The following AKAP8 variants were observed in gnomAD, a reference collection of about 807,000 sequenced individuals.
The protein encoded by AKAP8 is A-kinase anchor protein 8.
A neutral mutation model predicts 67.5 loss-of-function variants in AKAP8; 24 were observed. That is an observed-to-expected ratio of 0.36 (90% confidence interval 0.26 to 0.50). The LOEUF is 0.50. Among genes scored for constraint, AKAP8 ranks in the 20% least tolerant of loss-of-function variants. The pLI is 0.97. For synonymous variants in AKAP8, 400 were observed against 371.1 expected (o/e 1.08, Z -0.90); for missense variants, 971 against 955.9 (o/e 1.02, Z -0.21).
chr19:15,354,243 T>C lies in AKAP8; in HGVS notation c.*672A>G, dbSNP rs2048262497. ...GAGGTGGAACACAAATGAGGTAAAA[T>C]ATTAGAGAACTGATTCAGCAAGGAC... On this transcript the variant is annotated 3_prime_UTR_variant, in exon 14 of 14. Coordinates refer to ENST00000269701, the MANE Select transcript of AKAP8 (RefSeq NM_005858.4). 1 of 152,018 alleles carries C rather than the reference T, an allele frequency of 6.6e-6. No individual in the cohort carries two copies. The highest frequency in any genetic ancestry group is 2.4e-5 in the African/African-American group (1 of 41,390). The allele number at this position is 152,018 out of a possible 1,614,324, so 9.4% of individuals were successfully genotyped here. A position where few individuals can be genotyped will look rare whatever the true frequency, so the allele number is the denominator to read the frequency against.
Position 15,372,956 on chromosome 19 carries a change from C to T in AKAP8, c.756G>A (p.Met252Ile). ...RPPPSLFSQS[M>I]APDYGVMGMQ... ...TGCCCATCACGCCGTAGTCGGGAGC[C>T]ATGGACTGGGAGAAGAGGGACGGAG... The change falls in exon 5 of 14, where the codon ATG (methionine) becomes ATA (isoleucine). Residue 252 changes from methionine (M) to isoleucine (I), a missense_variant. Around this residue, in one of 3 missense-constraint regions of AKAP8, gnomAD observed 763 missense variants for 745.4 expected, o/e 1.02. Transcript: ENST00000269701. 6.4e-7 allele frequency: 1 copy of T among 1,554,894 alleles called. No homozygotes were observed. The highest frequency in any genetic ancestry group is 8.7e-7 in the Non-Finnish European group (1 of 1,150,776).
chr19:15,376,417 C>T (rs914848365), intron 2 of AKAP8, among the ~76,000 whole-genome samples: 2 of 151,776 alleles, frequency 1.3e-5, no homozygotes, highest in African/African-American at 2.4e-5. Context: ...CGGGAGGCTG[C>T]GGCTGCAGTA....
intron 9 of AKAP8, among the ~76,000 whole-genome samples, chr19:15,366,408 A>G (rs529285460): frequency 3.3e-5 from 5 of 152,242 alleles, no homozygotes; most frequent in Admixed American, 3.3e-4. Context: ...CAAGGGTTTC[A>G]ATGTTCCTGT....
At chr19:15,378,789 CTT>C (rs1967306756) in intron 1 of AKAP8, among the ~76,000 whole-genome samples, 1 of 152,214 alleles carries the variant, frequency 6.6e-6, no homozygotes, top group African/African-American at 2.4e-5. Context: ...TGTGGGCAAA[CTT>C]TGCTCCCAAA....
At chr19:15,370,001 A>G in intron 8 of AKAP8, 145 bp downstream of exon 8, 1 of 945,054 alleles carries the variant, frequency 1.1e-6, no homozygotes, top group South Asian at 1.4e-5. Flanking sequence ...CGCCACGGTC[A>G]AGGCCCATCT....
intron 5 of AKAP8, 93 bp from the exon 6 acceptor site, chr19:15,372,440 C>G (rs1967175302): frequency 6.6e-7 from 1 of 1,517,512 alleles, no homozygotes. Context: ...TCAGACAACA[C>G]AGGCACAAAA....
In AKAP8 at chr19:15,372,356, A is replaced by G. The variant is rs2145082281; in HGVS notation, c.862-9T>C. On this transcript the variant is annotated splice_polypyrimidine_tract_variant and intron_variant, in intron 5 of 13. Transcript: ENST00000269701. Reference sequence around the variant, plus strand: ...AACCCTCTCCTCTTGGGCTACAGACAACAAGCACACCCCATGAGCTACTTA... The same window carrying G: ...AACCCTCTCCTCTTGGGCTACAGACGACAAGCACACCCCATGAGCTACTTA... The G allele has an allele frequency of 6.2e-7, 1 of 1,614,090 alleles. No homozygotes were observed. Among genetic ancestry groups the G allele is most frequent in the Non-Finnish European group, 8.5e-7 (1 of 1,179,928 alleles).
intron 5 of AKAP8, among the ~76,000 whole-genome samples, chr19:15,372,614 G>T (rs1444981539): frequency 6.6e-6 from 1 of 151,984 alleles, no homozygotes; most frequent in African/African-American, 2.4e-5. Flanking sequence ...TCGGGGGCTG[G>T]TGGGGGCGGG....
chr19:15,362,770 C>A (rs566338093), intron 9 of AKAP8, among the ~76,000 whole-genome samples: 26 of 152,118 alleles, frequency 1.7e-4, no homozygotes, highest in African/African-American at 5.3e-4. Flanking sequence ...AGCCTCTGCC[C>A]GGCCGCCACC....
rs1967185624 is a variant in AKAP8, at chr19:15,372,941, G to T, written c.771C>A (p.Gly257=). ...CGCCCGCCCCCTGCATGCCCATCACGCCGTAGTCGGGAGCCATGGACTGGG... is the reference window on the plus strand; with the variant it reads ...CGCCCGCCCCCTGCATGCCCATCACTCCGTAGTCGGGAGCCATGGACTGGG... ...LFSQSMAPDY[G]VMGMQGAGGY... The change falls in exon 5 of 14, where the codon GGC becomes GGA. Residue 257 remains glycine (G), a synonymous_variant. Transcript: ENST00000269701. 6.5e-7 allele frequency: 1 copy of T among 1,539,622 alleles called. No homozygotes were observed. The highest frequency in any genetic ancestry group is 1.4e-5 in the African/African-American group (1 of 72,676).
chr19:15,354,657 C>T lies in AKAP8; in HGVS notation c.*258G>A. 1 of 505,296 alleles carries T rather than the reference C, an allele frequency of 2.0e-6. No individual in the cohort carries two copies. Among genetic ancestry groups the T allele is most frequent in the Non-Finnish European group, 3.5e-6 (1 of 284,474 alleles). 31.3% of individuals were successfully genotyped at this position (505,296 alleles called of 1,614,324 possible). A position where few individuals can be genotyped will look rare whatever the true frequency, so the allele number is the denominator to read the frequency against. ...TATAATCACCCAACCTTTATTATTC[C>T]AAGTGCACTACTGTCAAGAGACATG... On this transcript the variant is annotated 3_prime_UTR_variant, in exon 14 of 14. Transcript: ENST00000269701.
intron 3 of AKAP8, 89 bp from the exon 4 acceptor site, chr19:15,374,154 C>T (rs140273643): frequency 1.5e-4 from 220 of 1,443,476 alleles, no homozygotes; most frequent in African/African-American, 2.0e-4. Context: ...CCCGCTGCCA[C>T]GGAGAAGGAA....
rs565845734 is a variant in AKAP8 at position 15,369,499 on chromosome 19, G to A, written c.1072+647C>T. On this transcript the variant is annotated intron_variant, in intron 8 of 13. Transcript: ENST00000269701. This position sits in a 1 kb window ranked among gnomAD's most constrained non-coding sequence, Gnocchi z 4.6. ...GTGGCTTCAGGGTGAGCTCCAGGCCGCGGCACCTCAGGCCGCTCTGCCATG... is the reference window on the plus strand; with the variant it reads ...GTGGCTTCAGGGTGAGCTCCAGGCCACGGCACCTCAGGCCGCTCTGCCATG... Among the ~76,000 whole-genome samples, 12 of 152,352 alleles carry A rather than the reference G, an allele frequency of 7.9e-5. No individual in the cohort carries two copies. The East Asian group carries it at 1.2e-3, about 15-fold the overall frequency.
intron 13 of AKAP8, among the ~76,000 whole-genome samples, chr19:15,356,391 CGACA>C (rs1264352750): frequency 1.3e-4 from 20 of 150,414 alleles, no homozygotes; most frequent in Non-Finnish European, 1.5e-4. Context: ...GCAGCCTGGG[CGACA>C]GAGTCAGACT....
In AKAP8 at chr19:15,369,283, G is replaced by A. The variant is rs953585846; in HGVS notation, c.1072+863C>T. 26 of 985,024 alleles carry A rather than the reference G, an allele frequency of 2.6e-5. No individual in the cohort carries two copies. The highest frequency in any genetic ancestry group is 6.1e-5 in the Admixed American group (1 of 16,290). 61.0% of individuals were successfully genotyped at this position (985,024 alleles called of 1,614,324 possible). ...CATTGTGCCGCTAAGCGCTCGGGGC[G>A]CCCCGTGCTATGGACAGGACTGCTG... On this transcript the variant is annotated intron_variant, in intron 8 of 13. Transcript: ENST00000269701. This position sits in a 1 kb window ranked among gnomAD's most constrained non-coding sequence, Gnocchi z 4.6.
At chr19:15,367,743 G>A (rs542852606) in intron 9 of AKAP8, among the ~76,000 whole-genome samples, 2 of 152,316 alleles carry the variant, frequency 1.3e-5, no homozygotes, top group Admixed American at 6.5e-5. Context: ...CTTGATGGTA[G>A]GATCATCTCT....
chr19:15,373,863 C>A lies in AKAP8; in HGVS notation c.294G>T (p.Gln98His), dbSNP rs1332921187. 2 of 1,612,968 alleles carry A rather than the reference C, an allele frequency of 1.2e-6. No individual in the cohort carries two copies. The highest frequency in any genetic ancestry group is 1.7e-6 in the Non-Finnish European group (2 of 1,179,950). ...CTTCCTTGGACATCATGTCCAAACG[C>A]TGGTTGATCTTGGCAATGAGGGAGT... is the stretch of plus-strand genomic sequence containing the variant. Reference protein sequence around the residue: ...NSDSLIAKINQRLDMMSKEGG... With the variant: ...NSDSLIAKINHRLDMMSKEGG... The change falls in exon 4 of 14, where the codon CAG (glutamine) becomes CAT (histidine). Residue 98 changes from glutamine to histidine, a missense_variant. Physicochemically the swap from Gln to His is conservative, Grantham distance 24 (BLOSUM62 0). Transcript: ENST00000269701.
intron 9 of AKAP8, among the ~76,000 whole-genome samples, chr19:15,365,281 G>A (rs182754101): frequency 1.3e-5 from 2 of 152,206 alleles, no homozygotes; most frequent in African/African-American, 2.4e-5. Context: ...ACAAAACCCA[G>A]TATCAGTTCT....
rs1273865683 is a variant in AKAP8 at position 15,353,730 on chromosome 19, A to C, written c.*1185T>G. ...TTCCCAGTGGCCAGCGTTTCCCAAC[A>C]TGTGAGATGTACAGTTCAAAAGGCC... On this transcript the variant is annotated 3_prime_UTR_variant, in exon 14 of 14. Coordinates refer to ENST00000269701, the MANE Select transcript of AKAP8 (RefSeq NM_005858.4). 6.6e-6 allele frequency: 1 copy of C among 152,098 alleles called. No individual in the cohort carries two copies. The highest frequency in any genetic ancestry group is 2.4e-5 in the African/African-American group (1 of 41,410). The allele number at this position is 152,098 out of a possible 1,614,324, so 9.4% of individuals were successfully genotyped here.
Sources: allele counts gnomAD v4.1 joint callset (sites outside exome capture counted in the v4.1 genomes callset), GRCh38; gene constraint gnomAD v4.1.1; regional missense constraint gnomAD v4.1.1; non-coding constraint Gnocchi (gnomAD v3.1); transcripts MANE v1.5; gene names NCBI Gene and HGNC (gene_info 2026-07-23, HGNC 2026-07-21).